SLC26A8: variants seen among roughly 807,000 people sequenced by gnomAD.
The protein encoded by SLC26A8 is solute carrier family 26 member 8.
A neutral mutation model predicts 105.0 loss-of-function variants in SLC26A8; 70 were observed. That is an observed-to-expected ratio of 0.67 (90% CI 0.55 to 0.81). The LOEUF (loss-of-function observed/expected upper bound fraction) is 0.81. Among genes scored for constraint, SLC26A8 ranks in the 40% least tolerant of loss-of-function variants. SLC26A8 has a pLI of 0.00. For missense variants in SLC26A8, 998 were observed against 1,181.8 expected (o/e 0.84, Z 2.28); for synonymous variants, 415 against 438.3 (o/e 0.95, Z 0.66).
In SLC26A8 at chr6:36,000,059, G is replaced by A. The variant is rs142275991; in HGVS notation, c.378C>T (p.Ile126=). ...CCGAAGAACAGAAAGCTGCATAAGC[G>A]ATGTTGAGAGGAGGAATCAGTTGCC... is the stretch of plus-strand genomic sequence containing the variant. ...LARQLIPPLN[I]AYAAFCSSVI... The change falls in exon 4 of 20, where the codon ATC becomes ATT. Residue 126 remains isoleucine (I), a synonymous_variant. Coordinates refer to ENST00000490799, the MANE Select transcript of SLC26A8 (RefSeq NM_052961.4). 1.1e-4 allele frequency: 182 copies of A among 1,613,966 alleles called. No homozygotes were observed. Among genetic ancestry groups the A allele is most frequent in the Admixed American group, 2.2e-4 (13 of 59,998 alleles).
In SLC26A8 at chr6:35,955,395, G is replaced by T; in HGVS notation, c.1989C>A (p.Tyr663Ter). ...SQTASEDQVP[Y>*]TVSSVSQKNQ... ...TTTTCTGAGACACGGACGATACTGT[G>T]TATGGCACTTGGTCTTCGGATGCAG... The change falls in exon 17 of 20, where the codon TAC becomes TAA. Residue 663 changes from tyrosine (Y) to a stop codon, truncating the protein, a stop_gained. Transcript: ENST00000490799. LOFTEE classifies it high-confidence loss of function. 1 of 1,614,208 alleles carries T rather than the reference G, an allele frequency of 6.2e-7. No homozygotes were observed. Among genetic ancestry groups the T allele is most frequent in the African/African-American group, 1.3e-5 (1 of 75,050 alleles).
At chr6:35,957,526 A>G (rs1772124076) in intron 16 of SLC26A8, among the ~76,000 whole-genome samples, 1 of 151,816 alleles carries the variant, frequency 6.6e-6, no homozygotes, top group African/African-American at 2.4e-5. Context: ...GGGGCCAGGC[A>G]TTTGGGGAAC....
chr6:35,966,566 A>C (rs1421042644), intron 11 of SLC26A8, among the ~76,000 whole-genome samples: 1 of 152,202 alleles, frequency 6.6e-6, no homozygotes, highest in Non-Finnish European at 1.5e-5. Flanking sequence ...CAAAATTGGA[A>C]TAATATTGAA....
chr6:35,968,281 A>T (rs1772598641), intron 11 of SLC26A8, among the ~76,000 whole-genome samples: 2 of 151,850 alleles, frequency 1.3e-5, no homozygotes, highest in Admixed American at 6.6e-5. Flanking sequence ...AGTAGCTGGG[A>T]TTACAGGCAT....
chr6:36,002,513 C>T (rs949970604), intron 3 of SLC26A8, among the ~76,000 whole-genome samples: 1 of 152,098 alleles, frequency 6.6e-6, no homozygotes, highest in Non-Finnish European at 1.5e-5. Context: ...TATGCTAGCA[C>T]TCGATACTGC....
At chr6:36,002,175 A>G (rs1435120439) in intron 3 of SLC26A8, among the ~76,000 whole-genome samples, 1 of 152,188 alleles carries the variant, frequency 6.6e-6, no homozygotes, top group Non-Finnish European at 1.5e-5. Flanking sequence ...AAATTTATTA[A>G]AAGGGTACAA....
chr6:35,958,634 G>A (rs1320601084), intron 16 of SLC26A8, among the ~76,000 whole-genome samples: 1 of 152,114 alleles, frequency 6.6e-6, no homozygotes, highest in Non-Finnish European at 1.5e-5. Context: ...GTAGCTCAGT[G>A]GAACCTATGC....
intron 8 of SLC26A8, 74 bp downstream of exon 8, chr6:35,982,047 T>C: frequency 6.9e-7 from 1 of 1,459,116 alleles, no homozygotes; most frequent in South Asian, 1.2e-5. Flanking sequence ...AAAATATCAA[T>C]CAGGCTGTGT....
chr6:35,989,628 A>G (rs1262617766), intron 7 of SLC26A8: 1 of 152,190 alleles, frequency 6.6e-6, no homozygotes, highest in African/African-American at 2.4e-5. Flanking sequence ...ATGTTCTAGG[A>G]TCTTGGCAGC....
chr6:36,013,546 C>T (rs762210807), intron 2 of SLC26A8, among the ~76,000 whole-genome samples: 3 of 152,100 alleles, frequency 2.0e-5, no homozygotes, highest in Non-Finnish European at 4.4e-5. Context: ...AATACACAGG[C>T]CAATTCTCCA....
chr6:36,015,991 T>C (rs1761985432), intron 2 of SLC26A8, among the ~76,000 whole-genome samples: 1 of 151,764 alleles, frequency 6.6e-6, no homozygotes, highest in Non-Finnish European at 1.5e-5. Flanking sequence ...CAAAGGATTC[T>C]TTGTTTTTTT....
At chr6:35,954,383 A>G (rs1771979823) in intron 17 of SLC26A8, among the ~76,000 whole-genome samples, 1 of 152,196 alleles carries the variant, frequency 6.6e-6, no homozygotes, top group East Asian at 1.9e-4. Flanking sequence ...ACGTCTTCAA[A>G]CTGGAGTACA....
At chr6:35,968,609 G>GTGTATATA (rs1168496588) in intron 11 of SLC26A8, among the ~76,000 whole-genome samples, 48 of 60,052 alleles carry the variant, frequency 8.0e-4, no homozygotes, top group East Asian at 2.2e-3. Flanking sequence ...GTGTGTGTGT[G>GTGTATATA]TATATATATA....
intron 7 of SLC26A8, among the ~76,000 whole-genome samples, chr6:35,988,466 CT>C (rs1773619200): frequency 6.6e-6 from 1 of 152,006 alleles, no homozygotes; most frequent in Non-Finnish European, 1.5e-5. Flanking sequence ...AAACCCCCAT[CT>C]CTACTAAAAA....
chr6:36,002,739 CTCTG>C (rs1390623978), intron 3 of SLC26A8, among the ~76,000 whole-genome samples: 1 of 146,382 alleles, frequency 6.8e-6, no homozygotes, highest in Admixed American at 7.0e-5. Flanking sequence ...TGGCATCTCT[CTCTG>C]TCTCCCAGGC....
At chr6:35,949,284 T>C (rs963387195) in intron 19 of SLC26A8, among the ~76,000 whole-genome samples, 1 of 151,868 alleles carries the variant, frequency 6.6e-6, no homozygotes, top group African/African-American at 2.4e-5. Flanking sequence ...ATATAAAAAT[T>C]ATCCAGGTGT....
chr6:35,963,340 T>C (rs1772386589), intron 11 of SLC26A8, among the ~76,000 whole-genome samples: 1 of 152,148 alleles, frequency 6.6e-6, no homozygotes, highest in Non-Finnish European at 1.5e-5. Flanking sequence ...TCAACTTTTA[T>C]AAGTAACAAA....
chr6:36,000,467 G>A (rs566498364), intron 3 of SLC26A8, among the ~76,000 whole-genome samples: 9 of 152,278 alleles, frequency 5.9e-5, no homozygotes, highest in South Asian at 4.1e-4. Flanking sequence ...CAAGCAGGCC[G>A]TGGGAATTCT....
chr6:36,020,118 A>C (rs1372721004), intron 1 of SLC26A8, among the ~76,000 whole-genome samples: 1 of 152,226 alleles, frequency 6.6e-6, no homozygotes, highest in Non-Finnish European at 1.5e-5. Flanking sequence ...TAAGTGCTCA[A>C]TACAAGTCTT....
Sources: allele counts gnomAD v4.1 joint callset (sites outside exome capture counted in the v4.1 genomes callset), GRCh38; gene constraint gnomAD v4.1.1; transcripts MANE v1.5; gene names NCBI Gene and HGNC (gene_info 2026-07-23, HGNC 2026-07-21).